RPL7A: variants seen among roughly 807,000 people sequenced by gnomAD.
The protein encoded by RPL7A is large ribosomal subunit protein eL8.
For synonymous variants in RPL7A, 158 were observed against 128.2 expected, an observed-to-expected ratio of 1.23 and a Z score of -1.57; for missense variants, 291 against 338.2, an observed-to-expected ratio of 0.86 and a Z score of 1.09.
intron 3 of RPL7A, 67 bp downstream of exon 3, chr9:133,349,767 G>A (rs1169961784): frequency 2.5e-6 from 4 of 1,601,342 alleles, no homozygotes; most frequent in African/African-American, 2.7e-5. Flanking sequence ...AGAACATGAG[G>A]GGGATGGTCT....
At chr9:133,350,555 C>T (rs146568274) in intron 5 of RPL7A, 42 bp from the exon 6 acceptor site, 593 of 1,614,190 alleles carry the variant, frequency 3.7e-4, no homozygotes, top group Non-Finnish European at 4.7e-4. Context: ...AAATTTGCTG[C>T]TTTTGGTCAA....
chr9:133,349,801 CATTAA>C, intron 3 of RPL7A, 101 bp downstream of exon 3: 3 of 1,579,938 alleles, frequency 1.9e-6, no homozygotes, highest in Admixed American at 1.8e-5. Flanking sequence ...CTGCAGTTGT[CATTAA>C]ATTATAGTCA....
At chr9:133,348,857 C>T in intron 1 of RPL7A, 65 bp from the exon 2 acceptor site, 5 of 1,612,738 alleles carry the variant, frequency 3.1e-6, no homozygotes, top group Non-Finnish European at 3.4e-6. Flanking sequence ...AGGAGCCAGC[C>T]TGAGCCCTAC....
intron 1 of RPL7A, chr9:133,348,711 C>G (rs2129980230): frequency 6.4e-6 from 5 of 777,702 alleles, no homozygotes; most frequent in African/African-American, 5.1e-5. Context: ...CTTGCTCTGG[C>G]CACTCGGGGT....
In RPL7A at chr9:133,350,675, C is replaced by T. The variant is rs1383551075; in HGVS notation, c.574C>T (p.Arg192Cys). ...CIIKGKARLGRLVHRKTCTTV... is the reference protein window; with the variant it reads ...CIIKGKARLGCLVHRKTCTTV... ...TATCAAGGGAAAGGCAAGACTGGGACGTCTAGTCCACAGGAAGACCTGCAC... is the reference window on the plus strand; with the variant it reads ...TATCAAGGGAAAGGCAAGACTGGGATGTCTAGTCCACAGGAAGACCTGCAC... Residue 192 changes from arginine to cysteine, a missense_variant, in exon 6 of 8, where the codon CGT (arginine) becomes TGT (cysteine). Transcript: ENST00000323345. 1.7e-5 allele frequency: 28 copies of T among 1,613,992 alleles called. No individual in the cohort carries two copies. The highest frequency in any genetic ancestry group is 2.3e-5 in the Non-Finnish European group (27 of 1,180,010).
Position 133,349,633 on chromosome 9 carries a change from C to T in RPL7A, c.207C>T (p.Ile69=). 1 of 1,614,076 alleles carries T rather than the reference C, an allele frequency of 6.2e-7. No homozygotes were observed. The highest frequency in any genetic ancestry group is 8.5e-7 in the Non-Finnish European group (1 of 1,180,028). ...TCAGGTTGCAGCGGCAGAGAGCCAT[C>T]CTCTATAAGCGGCTGAAAGTGCCTC... ...RYIRLQRQRA[I]LYKRLKVPPA... The change falls in exon 3 of 8, where the codon ATC becomes ATT. Residue 69 remains isoleucine, a synonymous_variant. Coordinates refer to ENST00000323345, the MANE Select transcript of RPL7A (RefSeq NM_000972.3).
intron 1 of RPL7A, 110 bp from the exon 2 acceptor site, chr9:133,348,812 G>A (rs1157225166): frequency 1.3e-6 from 2 of 1,562,248 alleles, no homozygotes; most frequent in Admixed American, 1.7e-5. Context: ...CGCCAGCTTA[G>A]TTCAGGCAGG....
At chr9:133,348,348 C>A (rs2129978108) in intron 1 of RPL7A, 102 bp downstream of exon 1, 11 of 1,499,846 alleles carry the variant, frequency 7.3e-6, no homozygotes, top group African/African-American at 6.9e-5. Context: ...CTCCTCCTGG[C>A]GCTAGGAGAG....
intron 7 of RPL7A, 49 bp downstream of exon 7, chr9:133,351,120 C>A (rs2129998267): frequency 6.3e-7 from 1 of 1,591,682 alleles, no homozygotes; most frequent in East Asian, 2.2e-5. Flanking sequence ...AATCTTTCTC[C>A]CAAATAACTG....
In RPL7A at chr9:133,350,661, A is replaced by C. The variant is rs2129995214; in HGVS notation, c.560A>C (p.Lys187Thr). ...MGVPYCIIKG[K>T]ARLGRLVHRK... ...GTCCCTTACTGCATTATCAAGGGAA[A>C]GGCAAGACTGGGACGTCTAGTCCAC... is the stretch of plus-strand genomic sequence containing the variant. Residue 187 changes from lysine to threonine, a missense_variant, in exon 6 of 8, where the codon AAG (lysine) becomes ACG (threonine). Transcript: ENST00000323345. 1 of 1,614,114 alleles carries C rather than the reference A, an allele frequency of 6.2e-7. No individual in the cohort carries two copies. The highest frequency in any genetic ancestry group is 8.5e-7 in the Non-Finnish European group (1 of 1,180,006).
chr9:133,350,779 C>G, intron 6 of RPL7A, 52 bp downstream of exon 6: 1 of 1,606,094 alleles, frequency 6.2e-7, no homozygotes, highest in Non-Finnish European at 8.5e-7. Flanking sequence ...TAATCCATGC[C>G]TCACAGTTGT....
rs2129990731 is a variant in RPL7A, at chr9:133,350,026, C to T, written c.389C>T (p.Thr130Met). ...GCTGCTGGCAAAGGGGACGTCCCAA[C>T]GAAGAGACCACCTGTCCTTCGAGCA... ...KKAAGKGDVP[T>M]KRPPVLRAGV... Residue 130 changes from threonine to methionine, a missense_variant, in exon 4 of 8, where the codon ACG (threonine) becomes ATG (methionine). Transcript: ENST00000323345. 6.8e-6 allele frequency: 11 copies of T among 1,613,410 alleles called. No homozygotes were observed. The African/African-American group carries it at 9.3e-5, about 14-fold the overall frequency.
chr9:133,349,801 C>T (rs979499291), intron 3 of RPL7A, 101 bp downstream of exon 3: 1 of 1,579,938 alleles, frequency 6.3e-7, no homozygotes, highest in Non-Finnish European at 8.6e-7. Context: ...CTGCAGTTGT[C>T]ATTAAATTAT....
intron 1 of RPL7A, 192 bp downstream of exon 1, chr9:133,348,438 G>A (rs1836275177): frequency 6.4e-6 from 5 of 786,050 alleles, no homozygotes; most frequent in South Asian, 5.1e-5. Context: ...AGATGGACTA[G>A]AGCCCCGGGC....
At chr9:133,349,477 C>T (rs2129986474) in intron 2 of RPL7A, 74 bp from the exon 3 acceptor site, 2 of 1,582,252 alleles carry the variant, frequency 1.3e-6, no homozygotes, top group Admixed American at 1.7e-5. Context: ...TGCACCAACA[C>T]CCTTCCTAGT....
chr9:133,350,463 G>A, intron 5 of RPL7A, 134 bp from the exon 6 acceptor site: 7 of 1,525,772 alleles, frequency 4.6e-6, no homozygotes, highest in Non-Finnish European at 6.4e-6. Flanking sequence ...CTCTTGCAAT[G>A]ATGTGAATCT....
At chr9:133,348,435 C>T (rs1836275031) in intron 1 of RPL7A, 189 bp downstream of exon 1, 3 of 803,228 alleles carry the variant, frequency 3.7e-6, no homozygotes, top group Non-Finnish European at 5.9e-6. Flanking sequence ...TTGAGATGGA[C>T]TAGAGCCCCG....
chr9:133,348,367 G>A (rs1779095289), intron 1 of RPL7A, 121 bp downstream of exon 1: 3 of 1,369,278 alleles, frequency 2.2e-6, no homozygotes, highest in African/African-American at 1.4e-5. Flanking sequence ...AGCCCCACTC[G>A]GTGTGGCACG....
chr9:133,350,427 C>T (rs2129993452), intron 5 of RPL7A, 108 bp downstream of exon 5: 3 of 1,494,872 alleles, frequency 2.0e-6, no homozygotes, highest in South Asian at 2.3e-5. Flanking sequence ...GAGGGCAGTA[C>T]TGACACAGAT....
Sources: allele counts gnomAD v4.1 joint callset, GRCh38; gene constraint gnomAD v4.1.1; transcripts MANE v1.5; gene names NCBI Gene and HGNC (gene_info 2026-07-23, HGNC 2026-07-21).